NFIL3: variants seen among roughly 807,000 people sequenced by gnomAD.
The protein encoded by NFIL3 is nuclear factor, interleukin 3 regulated.
In NFIL3, 5 loss-of-function variants were observed where a neutral mutation model predicts 10.0. The ratio of observed to expected loss-of-function variants is 0.50; its 90% confidence interval spans 0.26 to 1.06. The LOEUF (loss-of-function observed/expected upper bound fraction) is 1.06, where lower values mean the gene tolerates loss of function less well. Ranked by LOEUF, NFIL3 falls within the 50% of genes least tolerant of loss-of-function variation. The probability of loss-of-function intolerance (pLI) is 0.13; values close to 1 mark genes in which losing one functional copy is unlikely to be tolerated. For synonymous variants in NFIL3, 202 were observed against 206.5 expected, an observed-to-expected ratio of 0.98 and a Z score of 0.19; for missense variants, 436 against 547.6, an observed-to-expected ratio of 0.80 and a Z score of 2.03.
intron 1 of NFIL3, among the ~76,000 whole-genome samples, chr9:91,419,205 TAAAC>T (rs1055037289): frequency 2.6e-5 from 4 of 152,170 alleles, no homozygotes; most frequent in African/African-American, 9.7e-5. Context: ...AAATTAAAAA[TAAAC>T]AACTTTAACA....
the NFIL3 span, among the ~76,000 whole-genome samples, chr9:91,456,438 A>G: frequency 6.6e-6 from 1 of 152,142 alleles, no homozygotes; most frequent in East Asian, 1.9e-4. Context: ...TAGCTATATT[A>G]TGGTATCTTA....
chr9:91,467,993 A>G, the NFIL3 span, among the ~76,000 whole-genome samples: 2 of 152,172 alleles, frequency 1.3e-5, no homozygotes, highest in Non-Finnish European at 2.9e-5. Context: ...GCTGCAATAA[A>G]CATATGTGTG....
At chr9:91,448,616 A>C in the NFIL3 span, among the ~76,000 whole-genome samples, 6 of 152,256 alleles carry the variant, frequency 3.9e-5, no homozygotes, top group African/African-American at 1.4e-4. Context: ...GTGGGAACAG[A>C]CCCCTTTCAA....
the NFIL3 span, among the ~76,000 whole-genome samples, chr9:91,471,020 T>C: frequency 6.6e-6 from 1 of 152,226 alleles, no homozygotes; most frequent in Non-Finnish European, 1.5e-5. Context: ...GAGGGTTATG[T>C]AGATGTCTGT....
At chr9:91,467,146 C>T in the NFIL3 span, among the ~76,000 whole-genome samples, 1 of 151,952 alleles carries the variant, frequency 6.6e-6, no homozygotes, top group Non-Finnish European at 1.5e-5. Context: ...AACTAAATAT[C>T]TCTCTCTGTC....
chr9:91,456,091 G>A, the NFIL3 span, among the ~76,000 whole-genome samples: 1 of 152,136 alleles, frequency 6.6e-6, no homozygotes, highest in African/African-American at 2.4e-5. Flanking sequence ...CATTCATGGT[G>A]TTGTATATAT....
At chr9:91,440,468 A>G in the NFIL3 span, among the ~76,000 whole-genome samples, 1,034 of 151,458 alleles carry the variant, frequency 6.8e-3, 11 homozygotes, top group African/African-American at 0.023. Flanking sequence ...AGTTTTACCA[A>G]TTTTTTTCTA....
the NFIL3 span, among the ~76,000 whole-genome samples, chr9:91,457,376 CT>C: frequency 7.5e-3 from 1,141 of 152,062 alleles, 5 homozygotes; most frequent in Non-Finnish European, 0.012. Context: ...GCATTTAACA[CT>C]GTTATCGCTG....
chr9:91,478,796 T>C, the NFIL3 span, among the ~76,000 whole-genome samples: 1 of 152,224 alleles, frequency 6.6e-6, no homozygotes, highest in Admixed American at 6.5e-5. Flanking sequence ...ACCTTTGGTC[T>C]TTGATGTTGG....
At position 91,409,691 on chromosome 9, in the gene NFIL3, C is replaced by A. The variant is rs141662610; in HGVS notation, c.1044G>T (p.Thr348=). 3.7e-6 allele frequency: 6 copies of A among 1,614,114 alleles called. No homozygotes were observed. The highest frequency in any genetic ancestry group is 5.1e-6 in the Non-Finnish European group (6 of 1,180,014). The stretch of plus-strand genomic sequence containing the variant: ...TGTCAATAGGTGAGGAAAGTTTTTG[C>A]GTGGCCTCAAATTCATTATCAAAGG... ...VEAFDNEFEA[T]QKLSSPIDMT... The change falls in exon 2 of 2, where the codon ACG becomes ACT. Residue 348 remains threonine, a synonymous_variant. Transcript: ENST00000297689.
At chr9:91,440,128 C>T in the NFIL3 span, among the ~76,000 whole-genome samples, 1 of 152,030 alleles carries the variant, frequency 6.6e-6, no homozygotes, top group Non-Finnish European at 1.5e-5. Context: ...AATTCAGCTG[C>T]GAAGGCATCT....
rs372066345 is a variant in NFIL3, at chr9:91,410,672, A to G, written c.63T>C (p.Asn21=). 1.2e-6 allele frequency: 2 copies of G among 1,612,308 alleles called. No individual in the cohort carries two copies. The highest frequency in any genetic ancestry group is 1.7e-6 in the Non-Finnish European group (2 of 1,179,558). Reference sequence around the variant, plus strand: ...AATTAAGGACCATCATCTTGTCCACATTGCTACTGGCATCAAGAGACGCCT... The same window carrying G: ...AATTAAGGACCATCATCTTGTCCACGTTGCTACTGGCATCAAGAGACGCCT... ...KEQASLDASS[N]VDKMMVLNSA... Residue 21 remains asparagine (N), a synonymous_variant, in exon 2 of 2, where the codon AAT becomes AAC. Transcript: ENST00000297689. This position sits in a 1 kb window ranked among gnomAD's most constrained non-coding sequence, Gnocchi z 5.7.
At chr9:91,437,877 G>C in the NFIL3 span, among the ~76,000 whole-genome samples, 2 of 152,256 alleles carry the variant, frequency 1.3e-5, no homozygotes, top group African/African-American at 2.4e-5. Context: ...TTATCTATAT[G>C]TATGTAGCAC....
chr9:91,465,976 G>GGT, the NFIL3 span, among the ~76,000 whole-genome samples: 92 of 150,864 alleles, frequency 6.1e-4, no homozygotes, highest in Non-Finnish European at 7.4e-4. Context: ...TAAAGGGTGT[G>GGT]GTGTGTGTGT....
chr9:91,467,603 C>T, the NFIL3 span, among the ~76,000 whole-genome samples: 3,234 of 151,998 alleles, frequency 0.021, 52 homozygotes, highest in South Asian at 0.045. Context: ...TTATTACATA[C>T]GTATACATGT....
the NFIL3 span, among the ~76,000 whole-genome samples, chr9:91,480,858 T>C: frequency 6.6e-6 from 1 of 152,220 alleles, no homozygotes; most frequent in Non-Finnish European, 1.5e-5. Context: ...CCATACATAA[T>C]GCACCTTTAG....
intron 1 of NFIL3, among the ~76,000 whole-genome samples, chr9:91,416,100 T>C (rs1437497378): frequency 1.3e-5 from 2 of 152,138 alleles, no homozygotes; most frequent in Non-Finnish European, 2.9e-5. Context: ...ATTCTAATTA[T>C]GTTAAATAGA....
chr9:91,410,205 G>T lies in NFIL3; in HGVS notation c.530C>A (p.Ser177Tyr). Residue 177 changes from serine to tyrosine, a missense_variant, in exon 2 of 2, where the codon TCT becomes TAT. Ser to Tyr is a moderately radical substitution (Grantham distance 144). This residue lies in a region of NFIL3 where 338 missense variants were observed against 399.9 expected (regional missense o/e 0.85). Transcript: ENST00000297689. The surrounding 1 kb of genome is among the most constrained non-coding windows in gnomAD (Gnocchi z 5.7). ...EPSMVSSSCI[S>Y]VIKHSPQSSL... Reference sequence around the variant, plus strand: ...GCTTTGTGGAGAGTGTTTAATGACAGAAATACAACTACTTGACACCATCGA... The same window carrying T: ...GCTTTGTGGAGAGTGTTTAATGACATAAATACAACTACTTGACACCATCGA... 1 of 1,614,084 alleles carries T rather than the reference G, an allele frequency of 6.2e-7. No homozygotes were observed. The highest frequency in any genetic ancestry group is 8.5e-7 in the Non-Finnish European group (1 of 1,179,994).
chr9:91,453,218 C>G, the NFIL3 span, among the ~76,000 whole-genome samples: 1 of 151,968 alleles, frequency 6.6e-6, no homozygotes, highest in South Asian at 2.1e-4. Context: ...ATCTGAATAT[C>G]CTCTTCTTAT....
Sources: gnomAD v4.1 joint callset for allele counts (sites outside exome capture counted in the v4.1 genomes callset) on GRCh38, gnomAD v4.1.1 for gene constraint, gnomAD v4.1.1 regional missense constraint, Gnocchi (gnomAD v3.1) non-coding constraint, MANE v1.5 for transcripts, NCBI Gene and HGNC (gene_info 2026-07-23, HGNC 2026-07-21) for gene names.